SNTG1: variants seen among roughly 807,000 people sequenced by gnomAD.
The protein encoded by SNTG1 is gamma-1-syntrophin.
A neutral mutation model predicts 74.7 loss-of-function variants in SNTG1; 39 were observed. The ratio of observed to expected loss-of-function variants is 0.52; its 90% CI spans 0.40 to 0.68. The LOEUF is 0.68. Among genes scored for constraint, SNTG1 ranks in the 30% least tolerant of loss-of-function variants. The pLI, the probability that SNTG1 is intolerant of heterozygous loss-of-function variation, is 0.00. For synonymous variants in SNTG1, 254 were observed against 217.1 expected (o/e 1.17, Z -1.49); for missense variants, 685 against 609.5 (o/e 1.12, Z -1.30).
intron 8 of SNTG1, among the ~76,000 whole-genome samples, chr8:50,469,052 T>A (rs1212105120): frequency 6.6e-6 from 1 of 152,176 alleles, no homozygotes; most frequent in African/African-American, 2.4e-5. Context: ...AGCAAGATAG[T>A]TTATTTACTT....
At position 50,478,740 on chromosome 8, in the gene SNTG1, T is replaced by A. The variant is rs548968726; in HGVS notation, c.364-24038T>A. ...AATGTTGGGTATGTTCTGGAGTTTG[T>A]ATTGTGGTCCTTGAAATGAGAAAGC... On this transcript the variant is annotated intron_variant, in intron 8 of 18. Coordinates refer to ENST00000642720, the MANE Select transcript of SNTG1 (RefSeq NM_018967.5). 1.3e-4 allele frequency among the ~76,000 whole-genome samples: 20 copies of A among 152,324 alleles called. No individual in the cohort carries two copies. The South Asian group carries it at 4.1e-3, about 32-fold the overall frequency.
At chr8:50,424,447 T>A (rs1366032298) in intron 4 of SNTG1, among the ~76,000 whole-genome samples, 1 of 152,216 alleles carries the variant, frequency 6.6e-6, no homozygotes, top group Non-Finnish European at 1.5e-5. Flanking sequence ...ATCATTTTTA[T>A]ACCATGCATG....
chr8:50,683,366 G>T (rs563460230), intron 15 of SNTG1, among the ~76,000 whole-genome samples: 1 of 152,298 alleles, frequency 6.6e-6, no homozygotes, highest in East Asian at 1.9e-4. Context: ...TAATGGGACT[G>T]GGATGGAATG....
Position 50,594,780 on chromosome 8 carries a change from A to G in SNTG1, c.849+3863A>G. Among the ~76,000 whole-genome samples, 2 of 152,174 alleles carry G rather than the reference A, an allele frequency of 1.3e-5. 1 individual carries two copies. The highest frequency in any genetic ancestry group is 1.3e-4 in the Admixed American group (2 of 15,280). On this transcript the variant is annotated intron_variant, in intron 13 of 18. Transcript: ENST00000642720. ...GCAACAGAAAAATGGCAAAAATAGA[A>G]TCAACTTTTAACAAATATGGAAATT...
intron 3 of SNTG1, among the ~76,000 whole-genome samples, chr8:50,401,012 A>G (rs1471570633): frequency 1.3e-5 from 2 of 152,138 alleles, no homozygotes; most frequent in South Asian, 2.1e-4. Context: ...AATTATCATG[A>G]TTTGATAATT....
chr8:50,290,893 G>A (rs1220607224), intron 2 of SNTG1, among the ~76,000 whole-genome samples: 8 of 151,908 alleles, frequency 5.3e-5, no homozygotes, highest in Admixed American at 1.3e-4. Flanking sequence ...AAGTAGCTGG[G>A]ACTACAAGTG....
At chr8:50,213,050 A>G (rs2084599238) in intron 2 of SNTG1, among the ~76,000 whole-genome samples, 1 of 152,212 alleles carries the variant, frequency 6.6e-6, no homozygotes, top group Non-Finnish European at 1.5e-5. Flanking sequence ...ATTGCCTGCT[A>G]TGCATTCCCT....
intron 1 of SNTG1, among the ~76,000 whole-genome samples, chr8:50,078,752 C>T (rs979174386): frequency 6.6e-6 from 1 of 152,140 alleles, no homozygotes; most frequent in African/African-American, 2.4e-5. Context: ...GTGATATTCC[C>T]TTCCCTGTGT....
chr8:50,774,799 A>G (rs1359527014), intron 18 of SNTG1, among the ~76,000 whole-genome samples: 3 of 151,694 alleles, frequency 2.0e-5, no homozygotes, highest in Admixed American at 6.6e-5. Flanking sequence ...GTGTATGACA[A>G]TAATAACCCA....
chr8:50,031,917 C>T (rs571033408), intron 1 of SNTG1, among the ~76,000 whole-genome samples: 4 of 152,164 alleles, frequency 2.6e-5, no homozygotes, highest in African/African-American at 9.6e-5. Flanking sequence ...CAATAAACCA[C>T]TAAGCTTATA....
chr8:50,728,646 G>A (rs979416306), intron 17 of SNTG1, among the ~76,000 whole-genome samples: 2 of 152,154 alleles, frequency 1.3e-5, no homozygotes, highest in African/African-American at 2.4e-5. Context: ...ATCCTCCTGT[G>A]TGCATGAGGA....
At chr8:50,512,301 A>G (rs567683856) in intron 9 of SNTG1, among the ~76,000 whole-genome samples, 1 of 149,988 alleles carries the variant, frequency 6.7e-6, no homozygotes, top group East Asian at 2.0e-4. Flanking sequence ...AGTCTAATGG[A>G]CTTCCCTTTG....
chr8:50,439,927 C>CT (rs890189373), intron 5 of SNTG1, among the ~76,000 whole-genome samples: 1 of 151,134 alleles, frequency 6.6e-6, no homozygotes, highest in Non-Finnish European at 1.5e-5. Flanking sequence ...TGTTCTTTTC[C>CT]TTTTTTTGTT....
At chr8:50,007,224 G>A (rs1013151519) in intron 1 of SNTG1, among the ~76,000 whole-genome samples, 1 of 152,082 alleles carries the variant, frequency 6.6e-6, no homozygotes, top group South Asian at 2.1e-4. Flanking sequence ...GAAATGTTAG[G>A]CTTGGATGTC....
At chr8:49,999,163 A>G (rs1001498455) in intron 1 of SNTG1, among the ~76,000 whole-genome samples, 1 of 152,144 alleles carries the variant, frequency 6.6e-6, no homozygotes, top group Non-Finnish European at 1.5e-5. Flanking sequence ...CAGAGGTCTA[A>G]AAAGAATATG....
In SNTG1 at chr8:50,440,896, C is replaced by A. The variant is rs138843472; in HGVS notation, c.219+2297C>A. On this transcript the variant is annotated intron_variant, in intron 5 of 18. Transcript: ENST00000642720. ...TTTAGTTTTATGTTAAAAACACATT[C>A]TTTAAAAAAGAAAAAAACTTGGTTA... Among the ~76,000 whole-genome samples the A allele has an allele frequency of 1.4e-4, 21 of 152,270 alleles. No homozygotes were observed. In the East Asian group the frequency reaches 1.9e-3, roughly 14 times the overall value.
intron 13 of SNTG1, among the ~76,000 whole-genome samples, chr8:50,613,043 G>C (rs937635672): frequency 2.0e-5 from 3 of 152,122 alleles, no homozygotes; most frequent in Non-Finnish European, 2.9e-5. Flanking sequence ...AAGACAAAAA[G>C]TGCCCCACTT....
At chr8:50,689,555 G>T (rs2095368225) in intron 15 of SNTG1, among the ~76,000 whole-genome samples, 1 of 152,100 alleles carries the variant, frequency 6.6e-6, no homozygotes, top group Non-Finnish European at 1.5e-5. Flanking sequence ...TAAATTTATT[G>T]ATTTGCATAT....
chr8:50,048,164 A>C (rs1819262853), intron 1 of SNTG1, among the ~76,000 whole-genome samples: 1 of 152,178 alleles, frequency 6.6e-6, no homozygotes, highest in African/African-American at 2.4e-5. Context: ...TTAAACAATC[A>C]GGCAAATTTA....
Sources: gnomAD v4.1 joint callset for allele counts (sites outside exome capture counted in the v4.1 genomes callset) on GRCh38, gnomAD v4.1.1 for gene constraint, MANE v1.5 for transcripts, NCBI Gene and HGNC (gene_info 2026-07-23, HGNC 2026-07-21) for gene names.